The following BPTF variants were observed in gnomAD, a reference collection of about 807,000 sequenced individuals.
BPTF encodes bromodomain PHD finger transcription factor.
Under a neutral mutation model 292.5 loss-of-function variants are expected in BPTF, and 18 were observed. That is an observed-to-expected ratio of 0.06 (90% CI 0.04 to 0.09). The LOEUF is 0.09. Among genes scored for constraint, BPTF ranks in the 10% least tolerant of loss-of-function variants. The pLI, the probability that BPTF is intolerant of heterozygous loss-of-function variation, is 1.00. For synonymous variants in BPTF, 1,225 were observed against 1,251.9 expected (o/e 0.98, Z 0.45); for missense variants, 2,726 against 3,498.7 (o/e 0.78, Z 5.57).
rs943348736 is a variant in BPTF at position 67,917,131 on chromosome 17, C to CTTTTTTTTTTTTTTTTTTTTTT, written c.5304-1564_5304-1563insTTTTTTTTTTTTTTTTTTTTTT. ...GATAAGTAACTAATATGGTATTGTC[C>CTTTTTTTTTTTTTTTTTTTTTT]TTTTTTTTTTTTTTTTTTTGAGATA... On this transcript the variant is annotated intron_variant, in intron 11 of 27. Transcript: ENST00000306378. Among the ~76,000 whole-genome samples the CTTTTTTTTTTTTTTTTTTTTTT allele has an allele frequency of 1.1e-3, 116 of 105,762 alleles. 14 individuals are homozygous for CTTTTTTTTTTTTTTTTTTTTTT. The East Asian group carries it at 0.018, about 17-fold the overall frequency. 69.4% of individuals were successfully genotyped at this position (105,762 alleles called of 152,430 possible).
intron 1 of BPTF, among the ~76,000 whole-genome samples, chr17:67,849,102 C>T (rs1339589407): frequency 6.6e-6 from 1 of 152,132 alleles, no homozygotes; most frequent in African/African-American, 2.4e-5. Context: ...AAAACCCTTT[C>T]TGCTTGGTAA....
chr17:67,894,317 T>A, intron 7 of BPTF, 152 bp downstream of exon 7: 1 of 746,914 alleles, frequency 1.3e-6, no homozygotes, highest in South Asian at 2.1e-5. Context: ...TAAACATGAA[T>A]GAATATTATT....
rs753044214 is a variant in BPTF at position 67,903,834 on chromosome 17, C to CA, written c.2598dup (p.Glu867ArgfsTer23). On this transcript the variant is annotated frameshift_variant, in exon 8 of 28. Coordinates refer to ENST00000306378, the MANE Select transcript of BPTF (RefSeq NM_182641.4). LOFTEE classifies it high-confidence loss of function. ...TTGAAAGAGAAGAAAAGGAGAAAGT[C>CA]AAAAAAAAAGAGAAGAAACAGGAAG... 1.6e-4 allele frequency: 245 copies of CA among 1,540,034 alleles called. No homozygotes were observed. The highest frequency in any genetic ancestry group is 5.3e-4 in the Admixed American group (27 of 51,412).
rs932959523 is a variant in BPTF, at chr17:67,938,774, T to G, written c.6260-1665T>G. ...ACTAGTCTGGCCGCATTTTTTAAAA[T>G]TGCAAGTTTAGAAATAAAAACGTAG... On this transcript the variant is annotated intron_variant, in intron 18 of 27. Transcript: ENST00000306378. Among the ~76,000 whole-genome samples the G allele has an allele frequency of 3.7e-4, 56 of 152,254 alleles. 1 individual carries two copies. The highest frequency in any genetic ancestry group is 1.3e-3 in the African/African-American group (55 of 41,564).
At chr17:67,974,212 C>T (rs2069122982) in intron 26 of BPTF, 1 of 152,100 alleles carries the variant, frequency 6.6e-6, no homozygotes, top group African/African-American at 2.4e-5. Context: ...TCAAACACGT[C>T]GTTCTCCTAG....
chr17:67,885,575 G>A (rs2060699731), intron 4 of BPTF, among the ~76,000 whole-genome samples: 1 of 152,180 alleles, frequency 6.6e-6, no homozygotes, highest in East Asian at 1.9e-4. Context: ...GCGCAACAGA[G>A]TGAGACTCCA....
chr17:67,961,637 A>C (rs1391700187), intron 24 of BPTF, among the ~76,000 whole-genome samples: 7 of 152,022 alleles, frequency 4.6e-5, no homozygotes, highest in African/African-American at 1.7e-4. Context: ...ACTTGAGCCC[A>C]GGTGTTTGAG....
chr17:67,860,002 T>C (rs1022146201), intron 2 of BPTF, among the ~76,000 whole-genome samples: 7 of 152,252 alleles, frequency 4.6e-5, no homozygotes, highest in African/African-American at 1.7e-4. Flanking sequence ...AGTGGAACAG[T>C]AAAATACTTA....
intron 25 of BPTF, among the ~76,000 whole-genome samples, chr17:67,964,818 T>C (rs536040179): frequency 9.0e-4 from 134 of 148,394 alleles, no homozygotes; most frequent in African/African-American, 3.2e-3. Flanking sequence ...GCTAACACGG[T>C]GAAACCCCGT....
chr17:67,953,000 G>A (rs1473539911), intron 23 of BPTF, among the ~76,000 whole-genome samples: 2 of 151,216 alleles, frequency 1.3e-5, no homozygotes, highest in Non-Finnish European at 2.9e-5. Context: ...TTGCTCTGTC[G>A]CCCAGGCTGG....
At position 67,825,993 on chromosome 17, in the gene BPTF, C is replaced by A. The variant is rs1275510632; in HGVS notation, c.269C>A (p.Pro90Gln). ...PPPAPPSTSA[P>Q]GRGGRGGGGG... ...CCGGCCCCCCCCAGCACCAGCGCCC[C>A]GGGCCGGGGGGGGCGAGGAGGCGGG... Residue 90 changes from proline (P) to glutamine (Q), a missense_variant, in exon 1 of 28, where the codon CCG becomes CAG. Pro to Gln is a moderately conservative substitution (Grantham distance 76). Around this residue, in one of 22 missense-constraint regions of BPTF, gnomAD observed 103 missense variants for 72.1 expected, o/e 1.43. Coordinates refer to ENST00000306378, the MANE Select transcript of BPTF (RefSeq NM_182641.4). The A allele has an allele frequency of 9.8e-7, 1 of 1,024,312 alleles. No homozygotes were observed. The highest frequency in any genetic ancestry group is 1.2e-6 in the Non-Finnish European group (1 of 833,942). The allele number at this position is 1,024,312 out of a possible 1,614,324, so 63.5% of individuals were successfully genotyped here.
At chr17:67,889,550 G>A (rs1438755863) in intron 4 of BPTF, among the ~76,000 whole-genome samples, 2 of 152,182 alleles carry the variant, frequency 1.3e-5, no homozygotes, top group Non-Finnish European at 2.9e-5. Context: ...GCTCACGCCT[G>A]TAATCCCAGC....
In BPTF at chr17:67,924,406, C is replaced by T. The variant is rs575179245; in HGVS notation, c.5709-141C>T. The T allele has an allele frequency of 9.0e-6, 8 of 886,718 alleles. No homozygotes were observed. In the East Asian group the frequency reaches 1.7e-4, roughly 19 times the overall value. The allele number at this position is 886,718 out of a possible 1,614,324, so 54.9% of individuals were successfully genotyped here. On this transcript the variant is annotated intron_variant, in intron 14 of 27. Coordinates refer to ENST00000306378, the MANE Select transcript of BPTF (RefSeq NM_182641.4). ...CTGGGATTACAGGCATGAGCCACCTCGCACAACCAAATGTTTTATTTTTAA... is the reference window on the plus strand; with the variant it reads ...CTGGGATTACAGGCATGAGCCACCTTGCACAACCAAATGTTTTATTTTTAA...
intron 3 of BPTF, among the ~76,000 whole-genome samples, chr17:67,872,723 G>A (rs1191176777): frequency 6.6e-6 from 1 of 151,920 alleles, no homozygotes; most frequent in Non-Finnish European, 1.5e-5. Flanking sequence ...AAGAAAGAAA[G>A]AAAAAAGGAA....
intron 3 of BPTF, among the ~76,000 whole-genome samples, chr17:67,872,658 A>G (rs975978005): frequency 2.6e-5 from 4 of 152,062 alleles, no homozygotes; most frequent in South Asian, 2.1e-4. Flanking sequence ...GTGAGTCGAG[A>G]TCACGCCACT....
intron 15 of BPTF, among the ~76,000 whole-genome samples, chr17:67,925,098 T>A (rs2063766067): frequency 6.6e-6 from 1 of 151,460 alleles, no homozygotes; most frequent in Non-Finnish European, 1.5e-5. Flanking sequence ...TCTATCTTAT[T>A]GTCATTATTT....
intron 14 of BPTF, among the ~76,000 whole-genome samples, chr17:67,923,930 C>T (rs1295696105): frequency 1.3e-5 from 2 of 152,138 alleles, no homozygotes; most frequent in Non-Finnish European, 2.9e-5. Flanking sequence ...TTACTGCAAC[C>T]TCCCAGATTC....
Position 67,912,835 on chromosome 17 carries a change from G to C in BPTF, c.4951G>C (p.Glu1651Gln). ...GGSVDIISVK[E>Q]QSKTVVTTTV... ...CAGTGTGGACATCATCTCTGTAAAG[G>C]AGCAGAGCAAAACCGTGGTCACCAC... Residue 1651 changes from glutamate to glutamine, a missense_variant, in exon 11 of 28, where the codon GAG (glutamate) becomes CAG (glutamine). By Grantham distance (29) the Glu-to-Gln change is conservative (BLOSUM62 2). Coordinates refer to ENST00000306378, the MANE Select transcript of BPTF (RefSeq NM_182641.4). 6.2e-7 allele frequency: 1 copy of C among 1,614,092 alleles called. No homozygotes were observed.
At chr17:67,978,945 G>A (rs2069934686) in intron 27 of BPTF, among the ~76,000 whole-genome samples, 1 of 151,930 alleles carries the variant, frequency 6.6e-6, no homozygotes, top group African/African-American at 2.4e-5. Flanking sequence ...GAGAGGCTGA[G>A]GCAAGAGGAT....
Sources: allele counts gnomAD v4.1 joint callset (sites outside exome capture counted in the v4.1 genomes callset), GRCh38; gene constraint gnomAD v4.1.1; regional missense constraint gnomAD v4.1.1; transcripts MANE v1.5; gene names NCBI Gene and HGNC (gene_info 2026-07-23, HGNC 2026-07-21).